Variants in CRTAM observed in about 807,000 individuals in gnomAD.
CRTAM encodes the protein cytotoxic and regulatory T cell molecule.
A neutral mutation model predicts 50.0 loss-of-function variants in CRTAM; 44 were observed. The ratio of observed to expected loss-of-function variants is 0.88; its 90% CI spans 0.69 to 1.13. CRTAM has a LOEUF of 1.13. Ranked by LOEUF, CRTAM falls within the 50% of genes most tolerant of loss-of-function variation. The pLI is 0.00. For synonymous variants in CRTAM, 159 were observed against 169.3 expected (o/e 0.94, Z 0.47); for missense variants, 448 against 457.5 (o/e 0.98, Z 0.19).
chr11:122,871,342 T>C lies in CRTAM; in HGVS notation c.1125T>C (p.Asn375=), dbSNP rs34242434. Reference sequence around the variant, plus strand: ...AAGCAAAAACAAAGAGGAAGGAAAATGTACAACATTCAAAATTAGAAGAAA... The same window carrying C: ...AAGCAAAAACAAAGAGGAAGGAAAACGTACAACATTCAAAATTAGAAGAAA... ...YSEAKTKRKE[N]VQHSKLEEKH... is the part of the protein sequence containing the mutation. The change falls in exon 10 of 10, where the codon AAT becomes AAC. Residue 375 remains asparagine (N), a synonymous_variant. Coordinates refer to ENST00000227348, the MANE Select transcript of CRTAM (RefSeq NM_019604.4). 0.1 allele frequency: 165,159 copies of C among 1,613,120 alleles called. 9,312 individuals carry two copies. The highest frequency in any genetic ancestry group is 0.16 in the African/African-American group (11,941 of 74,956).
intron 5 of CRTAM, chr11:122,862,260 G>A: frequency 1.7e-6 from 1 of 576,046 alleles, no homozygotes; most frequent in South Asian, 2.3e-5. Flanking sequence ...TGTGCTTTAA[G>A]CCAGGCAGGT....
intron 1 of CRTAM, among the ~76,000 whole-genome samples, chr11:122,842,199 C>T (rs1861807272): frequency 6.6e-6 from 1 of 152,190 alleles, no homozygotes; most frequent in South Asian, 2.1e-4. Flanking sequence ...GGCCTGATTC[C>T]TATAGGCAAT....
At position 122,868,095 on chromosome 11, in the gene CRTAM, C is replaced by T; in HGVS notation, c.1047C>T (p.Gly349=). 1 of 1,594,620 alleles carries T rather than the reference C, an allele frequency of 6.3e-7. No individual in the cohort carries two copies. The change falls in exon 9 of 10, where the codon GGC becomes GGT. Residue 349 remains glycine (G), a synonymous_variant. Transcript: ENST00000227348. ...NEETSSEEKN[G]QSSHPMRCMN... ...AAACATCATCTGAAGAGAAAAATGG[C>T]CAATGTAAGTCAACTGTATGACCTG...
At chr11:122,856,616 T>A (rs1352766240) in intron 5 of CRTAM, among the ~76,000 whole-genome samples, 1 of 152,220 alleles carries the variant, frequency 6.6e-6, no homozygotes, top group African/African-American at 2.4e-5. Context: ...CTCACATCAG[T>A]GAAAGAGGAA....
chr11:122,863,667 T>C (rs528827691), intron 6 of CRTAM, among the ~76,000 whole-genome samples: 19 of 152,322 alleles, frequency 1.2e-4, no homozygotes, highest in South Asian at 1.2e-3. Flanking sequence ...ATTGAAAATA[T>C]TATGAAGTGG....
chr11:122,851,266 TAAA>T (rs11287824), intron 2 of CRTAM, among the ~76,000 whole-genome samples: 49 of 138,646 alleles, frequency 3.5e-4, no homozygotes, highest in African/African-American at 4.0e-4. Flanking sequence ...ACTCTGTCTC[TAAA>T]AAAAAAAAAA....
intron 5 of CRTAM, among the ~76,000 whole-genome samples, chr11:122,861,037 A>G (rs1328818960): frequency 6.6e-6 from 1 of 152,076 alleles, no homozygotes; most frequent in African/African-American, 2.4e-5. Context: ...CTTCTATTTG[A>G]CTAGCATTCC....
intron 7 of CRTAM, 55 bp downstream of exon 7, chr11:122,864,774 C>A: frequency 1.5e-6 from 2 of 1,299,478 alleles, no homozygotes; most frequent in Non-Finnish European, 1.1e-6. Context: ...ACCTCTTAAT[C>A]GATAAATTCA....
In CRTAM at chr11:122,838,578, G is replaced by A. The variant is rs866858327; in HGVS notation, c.32G>A (p.Trp11Ter). The change falls in exon 1 of 10, where the codon TGG becomes TAG. Residue 11 changes from tryptophan to a stop codon, truncating the protein, a stop_gained. Coordinates refer to ENST00000227348, the MANE Select transcript of CRTAM (RefSeq NM_019604.4). LOFTEE classifies it high-confidence loss of function. MWWRVLSLLA[W>*]FPLQEASLTN... is the part of the protein sequence containing the mutation. ...TGGAGAGTTCTCAGCTTGCTGGCATGGTTCCCCTTGCAAGGTAAGGACTTA... is the reference window on the plus strand; with the variant it reads ...TGGAGAGTTCTCAGCTTGCTGGCATAGTTCCCCTTGCAAGGTAAGGACTTA... The A allele has an allele frequency of 6.2e-7, 1 of 1,614,176 alleles. No homozygotes were observed. Among genetic ancestry groups the A allele is most frequent in the African/African-American group, 1.3e-5 (1 of 75,054 alleles).
At chr11:122,865,717 C>T (rs12281248) in intron 7 of CRTAM, among the ~76,000 whole-genome samples, 1 of 152,200 alleles carries the variant, frequency 6.6e-6, no homozygotes, top group African/African-American at 2.4e-5. Flanking sequence ...AAATACCAAA[C>T]AGCACCTTCT....
At chr11:122,853,612 G>A (rs1861963900) in intron 3 of CRTAM, among the ~76,000 whole-genome samples, 1 of 151,640 alleles carries the variant, frequency 6.6e-6, no homozygotes, top group Non-Finnish European at 1.5e-5. Flanking sequence ...ATTGAGGTCT[G>A]GAGTTCGAGA....
intron 1 of CRTAM, among the ~76,000 whole-genome samples, chr11:122,846,607 A>G (rs1256192140): frequency 6.6e-6 from 1 of 151,702 alleles, no homozygotes; most frequent in Admixed American, 6.6e-5. Context: ...ATTATTTCAC[A>G]GAGTTCTAAC....
chr11:122,862,406 A>C (rs1304888314), intron 5 of CRTAM, 58 bp from the exon 6 acceptor site: 19 of 1,050,654 alleles, frequency 1.8e-5, no homozygotes, highest in Non-Finnish European at 2.9e-5. Context: ...TTTACTGAGC[A>C]CAATGTGGGT....
chr11:122,854,958 C>CT (rs890856903), intron 4 of CRTAM, among the ~76,000 whole-genome samples: 84 of 149,280 alleles, frequency 5.6e-4, no homozygotes, highest in Middle Eastern at 3.5e-3. Context: ...AATCAACCAT[C>CT]TTTTTTTTTT....
At chr11:122,850,601 C>G (rs1381322545) in intron 2 of CRTAM, among the ~76,000 whole-genome samples, 2 of 152,208 alleles carry the variant, frequency 1.3e-5, no homozygotes, top group African/African-American at 4.8e-5. Flanking sequence ...AGATAAGAAG[C>G]CAGCTGCTTC....
At chr11:122,865,324 C>T (rs546693900) in intron 7 of CRTAM, among the ~76,000 whole-genome samples, 4 of 152,202 alleles carry the variant, frequency 2.6e-5, no homozygotes, top group South Asian at 4.1e-4. Flanking sequence ...CGTGAGCCAC[C>T]GCGCCCGGCT....
At chr11:122,838,733 C>T (rs1861762190) in intron 1 of CRTAM, 141 bp downstream of exon 1, 4 of 700,300 alleles carry the variant, frequency 5.7e-6, no homozygotes, top group Non-Finnish European at 9.9e-6. Flanking sequence ...CCAAGCCATG[C>T]TCAAATCATG....
intron 7 of CRTAM, among the ~76,000 whole-genome samples, chr11:122,866,441 T>C (rs947986831): frequency 2.0e-5 from 3 of 152,098 alleles, no homozygotes; most frequent in Non-Finnish European, 4.4e-5. Flanking sequence ...TGTTTATATA[T>C]AGAGACAGCT....
chr11:122,862,286 C>T, intron 5 of CRTAM, 178 bp from the exon 6 acceptor site: 1 of 593,910 alleles, frequency 1.7e-6, no homozygotes, highest in Non-Finnish European at 3.0e-6. Context: ...GATGGACACT[C>T]AGTGGGATAC....
Sources: gnomAD v4.1 joint callset for allele counts (sites outside exome capture counted in the v4.1 genomes callset) on GRCh38, gnomAD v4.1.1 for gene constraint, MANE v1.5 for transcripts, NCBI Gene and HGNC (gene_info 2026-07-23, HGNC 2026-07-21) for gene names.